The following GCKR variants were observed in gnomAD, a reference collection of about 807,000 sequenced individuals.
GCKR encodes the protein glucokinase regulatory protein.
Under a neutral mutation model 82.9 loss-of-function variants are expected in GCKR, and 73 were observed. That is an observed-to-expected ratio of 0.88 (90% CI 0.73 to 1.07). GCKR has a LOEUF of 1.07. GCKR is among the 50% of genes least tolerant of loss of function. GCKR has a pLI of 0.00. For missense variants in GCKR, 784 were observed against 782.1 expected (o/e 1.00, Z -0.03); for synonymous variants, 294 against 291.8 (o/e 1.01, Z -0.08).
rs370445252 is a variant in GCKR, at chr2:27,523,362, G to A, written c.1801G>A (p.Val601Ile). The A allele has an allele frequency of 6.2e-5, 100 of 1,612,590 alleles. No homozygotes were observed. The highest frequency in any genetic ancestry group is 8.2e-5 in the Non-Finnish European group (97 of 1,179,978). ...TGCAGCTCCTTCTGTCTGTGAGGCT[G>A]TCAGGAGTGCTCTTGCTGGGCCAGG... ...LAAAPSVCEA[V>I]RSALAGPGQK... The change falls in exon 19 of 19, where the codon GTC (valine) becomes ATC (isoleucine). Residue 601 changes from valine to isoleucine, a missense_variant. Transcript: ENST00000264717.
chr2:27,508,123 G>T, intron 15 of GCKR, 45 bp from the exon 16 acceptor site: 1 of 1,585,418 alleles, frequency 6.3e-7, no homozygotes, highest in Non-Finnish European at 8.7e-7. Flanking sequence ...TTGCAGCCAG[G>T]CCTTCCTGGA....
At position 27,507,681 on chromosome 2, in the gene GCKR, GGT is replaced by G. The variant is rs1316371458; in HGVS notation, c.1145_1146del (p.Gly382AlafsTer32). On this transcript the variant is annotated frameshift_variant and splice_region_variant, in exon 14 of 19. Coordinates refer to ENST00000264717, the MANE Select transcript of GCKR (RefSeq NM_001486.4). LOFTEE classifies it high-confidence loss of function. Reference protein sequence around the residue: ...FNQKAELTNQGPQFTFSQEDF... With the variant: ...FNQKAELTNQXPQFTFSQEDF... ...ACCCTCCCATCTTCTTCTGCCCCAG[GGT>G]CCCCAGTTCACCTTCTCCCAGGAGG... is the stretch of plus-strand genomic sequence containing the variant. 2 of 1,572,660 alleles carry G rather than the reference GGT, an allele frequency of 1.3e-6. No individual in the cohort carries two copies. The highest frequency in any genetic ancestry group is 2.7e-5 in the African/African-American group (2 of 73,976).
At position 27,506,546 on chromosome 2, in the gene GCKR, A is replaced by G. The variant is rs1269036405; in HGVS notation, c.935A>G (p.Lys312Arg). The G allele has an allele frequency of 6.2e-7, 1 of 1,613,586 alleles. No homozygotes were observed. The highest frequency in any genetic ancestry group is 1.7e-5 in the Admixed American group (1 of 60,014). ...CAGGTGACCTACAGCCAAAGCCCCA[A>G]GATTGCCACCCTGATGAAGAGTGTC... ...AHQVTYSQSP[K>R]IATLMKSVST... The change falls in exon 11 of 19, where the codon AAG becomes AGG. Residue 312 changes from lysine (K) to arginine (R), a missense_variant. Physicochemically the swap from Lys to Arg is conservative, Grantham distance 26. Transcript: ENST00000264717.
chr2:27,522,613 G>A lies in GCKR; in HGVS notation c.1707+19G>A, dbSNP rs1178243309. 6.2e-7 allele frequency: 1 copy of A among 1,605,134 alleles called. No individual in the cohort carries two copies. Among genetic ancestry groups the A allele is most frequent in the Non-Finnish European group, 8.5e-7 (1 of 1,172,158 alleles). On this transcript the variant is annotated intron_variant, in intron 18 of 18. Coordinates refer to ENST00000264717, the MANE Select transcript of GCKR (RefSeq NM_001486.4). ...GGAACAGGTATCCTGCCCACTGCTG[G>A]TCATTCAACAAATACTTTTTGAGTA...
chr2:27,501,075 C>A, intron 7 of GCKR, 60 bp from the exon 8 acceptor site: 1 of 1,160,548 alleles, frequency 8.6e-7, no homozygotes, highest in Non-Finnish European at 1.3e-6. Flanking sequence ...GCACTTGAGC[C>A]TTGGGCACCA....
chr2:27,505,134 A>AC (rs1199722463), intron 9 of GCKR, among the ~76,000 whole-genome samples: 4 of 147,692 alleles, frequency 2.7e-5, no homozygotes, highest in African/African-American at 1.0e-4. Context: ...TCAAAAAAAA[A>AC]AAAAAAAAAA....
intron 16 of GCKR, among the ~76,000 whole-genome samples, chr2:27,512,233 C>G (rs1669901947): frequency 1.5e-5 from 1 of 65,602 alleles, no homozygotes; most frequent in Non-Finnish European, 2.7e-5. Flanking sequence ...AAGACTCCAT[C>G]TCAAAAAAAA....
rs1376632781 is a variant in GCKR, at chr2:27,518,903, C to T, written c.1538C>T (p.Ser513Phe). 1.9e-6 allele frequency: 3 copies of T among 1,613,894 alleles called. No individual in the cohort carries two copies. Among genetic ancestry groups the T allele is most frequent in the Admixed American group, 1.7e-5 (1 of 60,026 alleles). ...ATGTTGGACCTTCGGATTAGCAACT[C>T]CAAGCTCTTCTGGCGGGCGCTGGCC... The part of the protein sequence containing the change: ...NHMLDLRISN[S>F]KLFWRALAML... The change falls in exon 17 of 19, where the codon TCC becomes TTC. Residue 513 changes from serine to phenylalanine, a missense_variant. Transcript: ENST00000264717.
intron 18 of GCKR, 90 bp from the exon 19 acceptor site, chr2:27,523,179 G>T (rs989274528): frequency 1.9e-6 from 2 of 1,073,920 alleles, no homozygotes; most frequent in Non-Finnish European, 2.8e-6. Context: ...GATTACAGGC[G>T]TGAGCCACTG....
At chr2:27,514,391 A>G (rs1266414387) in intron 16 of GCKR, among the ~76,000 whole-genome samples, 1 of 151,952 alleles carries the variant, frequency 6.6e-6, no homozygotes, top group Non-Finnish European at 1.5e-5. Flanking sequence ...GTCTCATTCC[A>G]TTTCCATTCA....
chr2:27,510,645 C>T (rs1470421812), intron 16 of GCKR, among the ~76,000 whole-genome samples: 1 of 152,122 alleles, frequency 6.6e-6, no homozygotes, highest in Non-Finnish European at 1.5e-5. Flanking sequence ...ATAAAAAAAT[C>T]TTTGCTAATC....
Position 27,522,606 on chromosome 2 carries a change from A to C in GCKR, c.1707+12A>C, listed in dbSNP as rs763706957. ...ATGAGAAGGAACAGGTATCCTGCCCACTGCTGGTCATTCAACAAATACTTT... is the reference window on the plus strand; with the variant it reads ...ATGAGAAGGAACAGGTATCCTGCCCCCTGCTGGTCATTCAACAAATACTTT... On this transcript the variant is annotated intron_variant, in intron 18 of 18. Transcript: ENST00000264717. 11 of 1,608,204 alleles carry C rather than the reference A, an allele frequency of 6.8e-6. No individual in the cohort carries two copies. In the East Asian group the frequency reaches 2.2e-4, roughly 33 times the overall value.
At chr2:27,497,151 A>G (rs1371151608) in intron 1 of GCKR, 93 bp from the exon 2 acceptor site, 1 of 1,483,394 alleles carries the variant, frequency 6.7e-7, no homozygotes, top group Non-Finnish European at 9.4e-7. Context: ...TGTAAGTCCA[A>G]ACTCTGTGCC....
At chr2:27,504,119 T>G (rs760135042) in intron 9 of GCKR, among the ~76,000 whole-genome samples, 3 of 152,226 alleles carry the variant, frequency 2.0e-5, no homozygotes, top group African/African-American at 4.8e-5. Context: ...CTAGCACCAT[T>G]TCTCCTTACT....
intron 16 of GCKR, among the ~76,000 whole-genome samples, chr2:27,515,297 A>G (rs1669976864): frequency 6.6e-6 from 1 of 151,342 alleles, no homozygotes; most frequent in East Asian, 1.9e-4. Context: ...TTTTTTTGAG[A>G]CAGGGTCTCA....
intron 16 of GCKR, among the ~76,000 whole-genome samples, chr2:27,517,688 C>T (rs1353155842): frequency 2.0e-5 from 3 of 152,150 alleles, no homozygotes; most frequent in East Asian, 1.9e-4. Flanking sequence ...CCCCAGTTTC[C>T]CTGCTAATGT....
chr2:27,514,811 C>T (rs1292268869), intron 16 of GCKR, among the ~76,000 whole-genome samples: 4 of 152,064 alleles, frequency 2.6e-5, no homozygotes, highest in Non-Finnish European at 5.9e-5. Context: ...GCAAAATTTC[C>T]TTCCATAGGG....
chr2:27,503,937 T>C (rs1669644844), intron 9 of GCKR, among the ~76,000 whole-genome samples: 2 of 152,256 alleles, frequency 1.3e-5, no homozygotes, highest in South Asian at 2.1e-4. Flanking sequence ...TATGTTTCAG[T>C]CTGTCTCTCT....
chr2:27,515,420 C>G (rs147103687), intron 16 of GCKR, among the ~76,000 whole-genome samples: 1 of 151,076 alleles, frequency 6.6e-6, no homozygotes, highest in Non-Finnish European at 1.5e-5. Flanking sequence ...GGACTACAGG[C>G]GCTTGCCACC....
Sources: gnomAD v4.1 joint callset for allele counts (sites outside exome capture counted in the v4.1 genomes callset) on GRCh38, gnomAD v4.1.1 for gene constraint, MANE v1.5 for transcripts, NCBI Gene and HGNC (gene_info 2026-07-23, HGNC 2026-07-21) for gene names.